The following MBIP variants were observed in gnomAD, a reference collection of about 807,000 sequenced individuals.
The protein encoded by MBIP is MAP3K12 binding inhibitory protein 1.
In MBIP, 32 loss-of-function variants were observed where a neutral mutation model predicts 45.7. The ratio of observed to expected loss-of-function variants is 0.70; its 90% CI spans 0.53 to 0.94. MBIP has a LOEUF of 0.94. Among genes scored for constraint, MBIP ranks in the 40% least tolerant of loss-of-function variants. The probability of loss-of-function intolerance (pLI) is 0.00; values close to 1 mark genes in which losing one functional copy is unlikely to be tolerated. For missense variants in MBIP, 381 were observed against 405.5 expected, an observed-to-expected ratio of 0.94 and a Z score of 0.52; for synonymous variants, 145 against 141.0, an observed-to-expected ratio of 1.03 and a Z score of -0.20.
chr14:36,311,432 C>T (rs1039825052), intron 6 of MBIP, 141 bp downstream of exon 6: 2 of 677,830 alleles, frequency 3.0e-6, no homozygotes, highest in East Asian at 2.7e-5. Context: ...AATTGACATA[C>T]ACATAACACT....
At chr14:36,300,522 T>C (rs1879476750) in intron 8 of MBIP, among the ~76,000 whole-genome samples, 2 of 152,322 alleles carry the variant, frequency 1.3e-5, no homozygotes, top group Admixed American at 6.5e-5. Flanking sequence ...GCACTTACTA[T>C]TTTTAAGCAC....
At chr14:36,318,563 T>C (rs1052510066) in intron 1 of MBIP, among the ~76,000 whole-genome samples, 1 of 151,986 alleles carries the variant, frequency 6.6e-6, no homozygotes, top group African/African-American at 2.4e-5. Context: ...TTTAAATATA[T>C]ATTTTCAGTA....
chr14:36,302,151 AG>A (rs1879597312), intron 7 of MBIP, among the ~76,000 whole-genome samples: 1 of 152,264 alleles, frequency 6.6e-6, no homozygotes, highest in Non-Finnish European at 1.5e-5. Context: ...GCGATTGATC[AG>A]TCTCCTAACT....
Position 36,308,107 on chromosome 14 carries a change from T to A in MBIP, c.873A>T (p.Glu291Asp), listed in dbSNP as rs562837301. The A allele has an allele frequency of 1.3e-6, 2 of 1,573,148 alleles. No individual in the cohort carries two copies. Among genetic ancestry groups the A allele is most frequent in the South Asian group, 2.2e-5 (2 of 89,300 alleles). ...KILELEGISP[E>D]YFQSVSFSGK... Reference sequence around the variant, plus strand: ...TTATACTCACTACAGACTGAAAATATTCAGGAGAGATGCCTTCCAATTCAA... The same window carrying A: ...TTATACTCACTACAGACTGAAAATAATCAGGAGAGATGCCTTCCAATTCAA... The change falls in exon 7 of 9, where the codon GAA becomes GAT. Residue 291 changes from glutamate (E) to aspartate (D), a missense_variant. By Grantham distance (45) the Glu-to-Asp change is conservative. Coordinates refer to ENST00000416007, the MANE Select transcript of MBIP (RefSeq NM_016586.3).
At chr14:36,306,122 T>C (rs996089626) in intron 7 of MBIP, among the ~76,000 whole-genome samples, 3 of 152,198 alleles carry the variant, frequency 2.0e-5, no homozygotes, top group Admixed American at 6.5e-5. Flanking sequence ...CTTCTGAGCA[T>C]AGCACTTAAG....
intron 5 of MBIP, 38 bp downstream of exon 5, chr14:36,311,921 T>A: frequency 6.9e-7 from 1 of 1,453,494 alleles, no homozygotes; most frequent in Non-Finnish European, 9.4e-7. Flanking sequence ...AATCTAGACT[T>A]CTGTCAGTGA....
At chr14:36,311,341 G>C (rs1385489617) in intron 6 of MBIP, among the ~76,000 whole-genome samples, 1 of 151,774 alleles carries the variant, frequency 6.6e-6, no homozygotes, top group African/African-American at 2.4e-5. Flanking sequence ...TGTTTGCTTG[G>C]GCTCTTTAAA....
chr14:36,314,640 T>A, intron 3 of MBIP, 32 bp from the exon 4 acceptor site: 1 of 1,605,426 alleles, frequency 6.2e-7, no homozygotes, highest in Non-Finnish European at 8.5e-7. Flanking sequence ...AGTGTAAACA[T>A]AAGATTTTTT....
chr14:36,318,036 C>T (rs754525734), intron 1 of MBIP, among the ~76,000 whole-genome samples: 1 of 152,014 alleles, frequency 6.6e-6, no homozygotes, highest in Non-Finnish European at 1.5e-5. Context: ...GTAGGCTGCA[C>T]TGGCAAAGAT....
chr14:36,303,250 G>A (rs1879677738), intron 7 of MBIP, among the ~76,000 whole-genome samples: 1 of 152,200 alleles, frequency 6.6e-6, no homozygotes, highest in African/African-American at 2.4e-5. Flanking sequence ...TGGTACCTGA[G>A]AGAAAATACT....
In MBIP at chr14:36,320,462, G is replaced by A; in HGVS notation, c.127C>T (p.Gln43Ter). 1 of 1,614,104 alleles carries A rather than the reference G, an allele frequency of 6.2e-7. No individual in the cohort carries two copies. Among genetic ancestry groups the A allele is most frequent in the Non-Finnish European group, 8.5e-7 (1 of 1,180,030 alleles). ...CAGTCCCTCAGGCCACCTCTCACCT[G>A]TCCAACCAGGGTGTGTAGGGAGCGA... is the stretch of plus-strand genomic sequence containing the variant. ...IFRSLHTLVG[Q>*]LDLRDDVVKI... Residue 43 changes from glutamine to a stop codon, truncating the protein, a stop_gained and splice_region_variant, in exon 1 of 9, where the codon CAG (glutamine) becomes TAG (stop). Transcript: ENST00000416007. LOFTEE classifies it high-confidence loss of function.
At chr14:36,320,096 T>G (rs965644604) in intron 1 of MBIP, among the ~76,000 whole-genome samples, 2 of 151,330 alleles carry the variant, frequency 1.3e-5, no homozygotes, top group African/African-American at 4.9e-5. Flanking sequence ...GACCAACCAA[T>G]TCCCATAAAG....
chr14:36,319,178 A>C (rs1056450755), intron 1 of MBIP, among the ~76,000 whole-genome samples: 16 of 152,166 alleles, frequency 1.1e-4, no homozygotes, highest in Non-Finnish European at 8.8e-5. Flanking sequence ...AAAATATTCC[A>C]TCTTCTGTTA....
chr14:36,314,994 TCTG>T, intron 2 of MBIP, 79 bp from the exon 3 acceptor site: 2 of 853,936 alleles, frequency 2.3e-6, no homozygotes, highest in South Asian at 1.6e-5. Flanking sequence ...TACATAAATT[TCTG>T]CTAAGTAAAT....
chr14:36,318,011 G>C (rs571022882), intron 1 of MBIP, among the ~76,000 whole-genome samples: 1 of 152,126 alleles, frequency 6.6e-6, no homozygotes, highest in South Asian at 2.1e-4. Context: ...AGTATAAAGA[G>C]ATATGAAATT....
chr14:36,299,249 A>G, intron 8 of MBIP, 59 bp from the exon 9 acceptor site: 1 of 1,103,398 alleles, frequency 9.1e-7, no homozygotes, highest in South Asian at 1.3e-5. Context: ...TAATGCAGAT[A>G]AAGTGCCAAA....
At chr14:36,302,533 C>T (rs1879632232) in intron 7 of MBIP, among the ~76,000 whole-genome samples, 1 of 148,608 alleles carries the variant, frequency 6.7e-6, no homozygotes, top group African/African-American at 2.5e-5. Context: ...CCCTTGTTCT[C>T]CTAATCGTTT....
intron 7 of MBIP, among the ~76,000 whole-genome samples, chr14:36,303,382 T>G (rs538351091): frequency 6.6e-6 from 1 of 152,308 alleles, no homozygotes; most frequent in Admixed American, 6.5e-5. Context: ...GGATATATTC[T>G]GAGAAATGTG....
chr14:36,307,886 C>T (rs1240413820), intron 7 of MBIP: 2 of 349,308 alleles, frequency 5.7e-6, no homozygotes, highest in Non-Finnish European at 5.1e-6. Flanking sequence ...ATAGAAGTAT[C>T]CCTTTTTAAA....
Sources: gnomAD v4.1 joint callset for allele counts (sites outside exome capture counted in the v4.1 genomes callset) on GRCh38, gnomAD v4.1.1 for gene constraint, MANE v1.5 for transcripts, NCBI Gene and HGNC (gene_info 2026-07-23, HGNC 2026-07-21) for gene names.